The following KIAA1217 variants were observed in gnomAD, a reference collection of about 807,000 sequenced individuals.
KIAA1217 encodes the protein sickle tail protein homolog.
A neutral mutation model predicts 163.9 loss-of-function variants in KIAA1217; 88 were observed. The observed-to-expected ratio is 0.54, with a 90% CI of 0.45 to 0.64. The LOEUF is 0.64. Ranked by LOEUF, KIAA1217 falls within the 30% of genes least tolerant of loss-of-function variation. The pLI is 0.00. For synonymous variants in KIAA1217, 903 were observed against 923.1 expected (o/e 0.98, Z 0.39); for missense variants, 2,372 against 2,475.0 (o/e 0.96, Z 0.88).
chr10:23,755,396 A>G (rs887545097), intron 1 of KIAA1217, among the ~76,000 whole-genome samples: 1 of 152,224 alleles, frequency 6.6e-6, no homozygotes, highest in Non-Finnish European at 1.5e-5. Flanking sequence ...ACGCAGGCAT[A>G]ATAATCTTGT....
chr10:24,218,973 C>A (rs1390131880), intron 1 of KIAA1217, among the ~76,000 whole-genome samples: 1 of 152,076 alleles, frequency 6.6e-6, no homozygotes, highest in Non-Finnish European at 1.5e-5. Flanking sequence ...AATCCTGTTA[C>A]CAGAATGCAA....
chr10:24,060,680 T>C (rs1415111946), intron 2 of KIAA1217, among the ~76,000 whole-genome samples: 1 of 152,132 alleles, frequency 6.6e-6, no homozygotes, highest in Non-Finnish European at 1.5e-5. Flanking sequence ...CCTGTAGTCC[T>C]AGATACTTGG....
At chr10:23,837,707 T>G (rs976356585) in intron 1 of KIAA1217, among the ~76,000 whole-genome samples, 42 of 152,164 alleles carry the variant, frequency 2.8e-4, no homozygotes, top group African/African-American at 1.0e-3. Context: ...CTAATTTTGT[T>G]GTTGTTTATT....
intron 2 of KIAA1217, among the ~76,000 whole-genome samples, chr10:24,029,818 A>G (rs1848119585): frequency 6.6e-6 from 1 of 152,144 alleles, no homozygotes; most frequent in Non-Finnish European, 1.5e-5. Context: ...GGGGAGAGAG[A>G]GAAGTTTTAA....
At chr10:24,051,520 T>G (rs1214102981) in intron 2 of KIAA1217, among the ~76,000 whole-genome samples, 1 of 152,152 alleles carries the variant, frequency 6.6e-6, no homozygotes, top group African/African-American at 2.4e-5. Context: ...TATTTCCTTA[T>G]TTAAGGAATC....
intron 2 of KIAA1217, among the ~76,000 whole-genome samples, chr10:24,270,991 G>A (rs1393004946): frequency 6.6e-6 from 1 of 152,180 alleles, no homozygotes; most frequent in Non-Finnish European, 1.5e-5. Context: ...GAGACTGCCA[G>A]ATTTCTATGA....
intron 2 of KIAA1217, among the ~76,000 whole-genome samples, chr10:24,328,928 G>GCCAGTAGC (rs1363845281): frequency 2.6e-5 from 4 of 151,550 alleles, no homozygotes; most frequent in Non-Finnish European, 1.5e-5. Flanking sequence ...TATAGGGTTC[G>GCCAGTAGC]CCAGTAGCAT....
chr10:23,979,286 G>A (rs1476845646), intron 1 of KIAA1217, among the ~76,000 whole-genome samples: 1 of 152,152 alleles, frequency 6.6e-6, no homozygotes, highest in Non-Finnish European at 1.5e-5. Context: ...TCCTAAAGAG[G>A]TGACTTCACC....
Position 24,495,216 on chromosome 10 carries a change from G to A in KIAA1217, c.1834+20G>A. 1 of 1,606,858 alleles carries A rather than the reference G, an allele frequency of 6.2e-7. No individual in the cohort carries two copies. The highest frequency in any genetic ancestry group is 2.2e-5 in the East Asian group (1 of 44,698). ...GTGCAGGTAAGTAAGTGTTTTTGGA[G>A]CTGTAGGAGGCCTGTGGGCTGCCTG... On this transcript the variant is annotated intron_variant, in intron 8 of 20. Transcript: ENST00000376454.
intron 1 of KIAA1217, among the ~76,000 whole-genome samples, chr10:23,928,793 C>A (rs1466776114): frequency 1.3e-5 from 2 of 152,178 alleles, no homozygotes; most frequent in African/African-American, 4.8e-5. Flanking sequence ...TGAACACAGG[C>A]AATATGGTTC....
chr10:24,145,963 A>G (rs2064291213), intron 2 of KIAA1217, among the ~76,000 whole-genome samples: 1 of 152,154 alleles, frequency 6.6e-6, no homozygotes, highest in African/African-American at 2.4e-5. Flanking sequence ...CTCAACTGTT[A>G]ATCTCCTTTG....
In KIAA1217 at chr10:24,415,275, C is replaced by T. The variant is rs765423072; in HGVS notation, c.554-17720C>T. 7.9e-5 allele frequency among the ~76,000 whole-genome samples: 12 copies of T among 151,942 alleles called. No homozygotes were observed. The South Asian group carries it at 1.0e-3, about 13-fold the overall frequency. ...GATTATAGGCACCTGCCACCATGCC[C>T]GGTTAATTTTTGTAGTTTTAGTAGA... On this transcript the variant is annotated intron_variant, in intron 3 of 20. Coordinates refer to ENST00000376454, the MANE Select transcript of KIAA1217 (RefSeq NM_019590.5).
At chr10:24,340,319 A>G (rs1295511942) in intron 2 of KIAA1217, among the ~76,000 whole-genome samples, 1 of 152,138 alleles carries the variant, frequency 6.6e-6, no homozygotes, top group Non-Finnish European at 1.5e-5. Context: ...CTTCTCCCAT[A>G]CAGTTCTCCT....
rs535005378 is a variant in KIAA1217 at position 24,463,202 on chromosome 10, T to A, written c.847-10026T>A. 7.6e-4 allele frequency among the ~76,000 whole-genome samples: 116 copies of A among 152,322 alleles called. 1 individual carries two copies. Among genetic ancestry groups the A allele is most frequent in the Non-Finnish European group, 1.2e-3 (83 of 68,026 alleles). ...CCTACAGCACTGCACAATTATTGATTGTGGCTTGGAAGCGAAATGATTTAT... is the reference window on the plus strand; with the variant it reads ...CCTACAGCACTGCACAATTATTGATAGTGGCTTGGAAGCGAAATGATTTAT... On this transcript the variant is annotated intron_variant, in intron 5 of 20. Transcript: ENST00000376454.
chr10:24,435,963 T>C (rs111976541), intron 4 of KIAA1217, among the ~76,000 whole-genome samples: 40,623 of 151,650 alleles, frequency 0.27, 5,851 homozygotes, highest in African/African-American at 0.39. Flanking sequence ...TGGGTTCAAG[T>C]AATTCTCATG....
intron 2 of KIAA1217, among the ~76,000 whole-genome samples, chr10:24,077,167 G>GTT (rs2061395250): frequency 6.6e-6 from 1 of 152,134 alleles, no homozygotes; most frequent in Non-Finnish European, 1.5e-5. Flanking sequence ...GTGAGCCACT[G>GTT]TGCCTGGCCT....
intron 2 of KIAA1217, among the ~76,000 whole-genome samples, chr10:24,245,277 C>T (rs1360694807): frequency 2.0e-5 from 3 of 152,158 alleles, no homozygotes; most frequent in Non-Finnish European, 4.4e-5. Flanking sequence ...TCATGCTGGT[C>T]CCGTCGAAGT....
intron 3 of KIAA1217, among the ~76,000 whole-genome samples, chr10:24,383,395 T>C (rs2053577504): frequency 6.6e-6 from 1 of 152,256 alleles, no homozygotes; most frequent in Non-Finnish European, 1.5e-5. Flanking sequence ...CGGTTGGCAG[T>C]GCAGGTTGAG....
intron 2 of KIAA1217, among the ~76,000 whole-genome samples, chr10:24,278,730 T>C (rs1159410128): frequency 2.0e-5 from 3 of 152,218 alleles, no homozygotes; most frequent in African/African-American, 7.2e-5. Context: ...CTCTACAGTG[T>C]TATGCTAGAG....
Sources: allele counts gnomAD v4.1 joint callset (sites outside exome capture counted in the v4.1 genomes callset), GRCh38; gene constraint gnomAD v4.1.1; transcripts MANE v1.5; gene names NCBI Gene and HGNC (gene_info 2026-07-23, HGNC 2026-07-21).